The following CAMKK2 variants were observed in gnomAD, a reference collection of about 807,000 sequenced individuals.
The protein encoded by CAMKK2 is calcium/calmodulin dependent protein kinase kinase 2.
In CAMKK2, 30 loss-of-function variants were observed where a neutral mutation model predicts 67.2. The ratio of observed to expected loss-of-function variants is 0.45; its 90% CI spans 0.33 to 0.61. The LOEUF is 0.61. Ranked by LOEUF, CAMKK2 falls within the 20% of genes least tolerant of loss-of-function variation. The pLI, the probability that CAMKK2 is intolerant of heterozygous loss-of-function variation, is 0.02. For missense variants in CAMKK2, 643 were observed against 802.0 expected (o/e 0.80, Z 2.39); for synonymous variants, 322 against 326.2 (o/e 0.99, Z 0.14).
At chr12:121,297,401 G>A (rs556112014), upstream of CAMKK2, 6 of 354,064 alleles carry the variant, frequency 1.7e-5, no homozygotes, top group East Asian at 3.7e-4. Flanking sequence ...CCTAAAGGCT[G>A]GGGGAAGGCG....
At position 121,253,299 on chromosome 12, in the gene CAMKK2, C is replaced by G. The variant is rs202103661; in HGVS notation, c.1081G>C (p.Glu361Gln). The G allele has an allele frequency of 5.6e-6, 9 of 1,614,088 alleles. No homozygotes were observed. Among genetic ancestry groups the G allele is most frequent in the Non-Finnish European group, 7.6e-6 (9 of 1,180,040 alleles). ...PAFMAPESLS[E>Q]TRKIFSGKAL... is the part of the protein sequence containing the mutation. ...TTCCCAGAGAAGATCTTGCGGGTCT[C>G]AGAGAGCGACTCGGGTGCCATGAAG... Residue 361 changes from glutamate to glutamine, a missense_variant, in exon 10 of 17, where the codon GAG becomes CAG. Physicochemically the swap from Glu to Gln is conservative, Grantham distance 29. Coordinates refer to ENST00000404169, the MANE Select transcript of CAMKK2 (RefSeq NM_001270485.2). This position sits in a 1 kb window ranked among gnomAD's most constrained non-coding sequence, Gnocchi z 5.0.
intron 9 of CAMKK2, among the ~76,000 whole-genome samples, chr12:121,254,749 T>G (rs986727820): frequency 2.6e-5 from 4 of 152,228 alleles, no homozygotes; most frequent in Non-Finnish European, 5.9e-5. Context: ...AGAAGGGTTT[T>G]GGCTCGCCTG....
At position 121,255,589 on chromosome 12, in the gene CAMKK2, G is replaced by A. The variant is rs754983449; in HGVS notation, c.868C>T (p.Arg290Cys). ...TTGATCAGATCCTGGAAGTAGAAAC[G>A]GGCCTGGTCTTCAGAGAGTGGTTTG... ...TLKPLSEDQA[R>C]FYFQDLIKGI... is the part of the protein sequence containing the mutation. The change falls in exon 9 of 17, where the codon CGT (arginine) becomes TGT (cysteine). Residue 290 changes from arginine (R) to cysteine (C), a missense_variant. Coordinates refer to ENST00000404169, the MANE Select transcript of CAMKK2 (RefSeq NM_001270485.2). The A allele has an allele frequency of 4.3e-5, 69 of 1,612,262 alleles. No individual in the cohort carries two copies. The highest frequency in any genetic ancestry group is 1.1e-4 in the South Asian group (10 of 90,830).
intron 6 of CAMKK2, among the ~76,000 whole-genome samples, chr12:121,261,901 C>T (rs528636815): frequency 3.7e-4 from 57 of 152,330 alleles, no homozygotes; most frequent in Non-Finnish European, 7.6e-4. Context: ...ACATCCAGCA[C>T]GGTGACAAGT....
chr12:121,272,121 A>G (rs11833105), intron 2 of CAMKK2, among the ~76,000 whole-genome samples: 7,436 of 152,336 alleles, frequency 0.049, 575 homozygotes, highest in African/African-American at 0.17. Context: ...GATTACAGGC[A>G]TAAGCCATTG....
At chr12:121,243,705 T>G in intron 16 of CAMKK2, 1 of 279,156 alleles carries the variant, frequency 3.6e-6, no homozygotes, top group Non-Finnish European at 6.1e-6. Context: ...GGTGTCTTCT[T>G]GGGCTGATGA....
chr12:121,242,351 AAAAGAAAGAAAGAAAG>A lies in CAMKK2; in HGVS notation c.1597-1498_1597-1483del, dbSNP rs368398056. Among the ~76,000 whole-genome samples the A allele has an allele frequency of 6.9e-3, 1,045 of 151,534 alleles. 10 individuals are homozygous for A. Among genetic ancestry groups the A allele is most frequent in the African/African-American group, 0.024 (986 of 41,250 alleles). On this transcript the variant is annotated intron_variant, in intron 16 of 16. Transcript: ENST00000404169. ...GTGCAAGACCCTGTCTCAAAAAAAA[AAAAGAAAGAAAGAAAG>A]AAAGAAAGAAAATAGGAAAGAAACC... is the stretch of plus-strand genomic sequence containing the variant.
Position 121,253,338 on chromosome 12 carries a change from C to G in CAMKK2, c.1042G>C (p.Val348Leu). ...KGSDALLSNT[V>L]GTPAFMAPES... is the part of the protein sequence containing the mutation. The stretch of plus-strand genomic sequence containing the variant: ...GGTGCCATGAAGGCGGGCGTGCCCA[C>G]GGTGTTGGAGAGGAGCGCGTCACTG... Residue 348 changes from valine to leucine, a missense_variant, in exon 10 of 17, where the codon GTG (valine) becomes CTG (leucine). Transcript: ENST00000404169. This position sits in a 1 kb window ranked among gnomAD's most constrained non-coding sequence, Gnocchi z 5.0. 2 of 1,614,190 alleles carry G rather than the reference C, an allele frequency of 1.2e-6. No homozygotes were observed. The highest frequency in any genetic ancestry group is 1.7e-6 in the Non-Finnish European group (2 of 1,180,028).
At chr12:121,261,378 T>C (rs1893417202) in intron 6 of CAMKK2, among the ~76,000 whole-genome samples, 1 of 151,986 alleles carries the variant, frequency 6.6e-6, no homozygotes. Flanking sequence ...CACCAGTGAG[T>C]CGAGATTGTG....
At chr12:121,276,070 G>C (rs1326484182) in intron 1 of CAMKK2, among the ~76,000 whole-genome samples, 2 of 150,240 alleles carry the variant, frequency 1.3e-5, no homozygotes, top group Non-Finnish European at 2.9e-5. Flanking sequence ...TGAGGCAGGA[G>C]AATCACTTGA....
chr12:121,285,743 T>C lies in CAMKK2; in HGVS notation c.-60+10895A>G, dbSNP rs1292730734. ...GGGAGGATCGCTTGAGCTGGGGAGG[T>C]TGATGCAGCAGTGAGCCGTGATCAT... On this transcript the variant is annotated intron_variant, in intron 1 of 16. Transcript: ENST00000404169. The surrounding 1 kb of genome is among the most constrained non-coding windows in gnomAD (Gnocchi z 4.1). 6.6e-6 allele frequency among the ~76,000 whole-genome samples: 1 copy of C among 151,412 alleles called. No homozygotes were observed. The highest frequency in any genetic ancestry group is 2.4e-5 in the African/African-American group (1 of 41,128).
rs1887953385 is a variant in CAMKK2, at chr12:121,239,102, C to T, written c.*1597G>A. 6.6e-6 allele frequency: 1 copy of T among 152,340 alleles called. No homozygotes were observed. 9.4% of individuals were successfully genotyped at this position (152,340 alleles called of 1,614,324 possible). ...AGGATCTATGGAAGCCAAGAAGGCC[C>T]AGGGCTCCATGAATGGGCTGGGCAG... On this transcript the variant is annotated 3_prime_UTR_variant, in exon 17 of 17. Coordinates refer to ENST00000404169, the MANE Select transcript of CAMKK2 (RefSeq NM_001270485.2).
intron 2 of CAMKK2, among the ~76,000 whole-genome samples, chr12:121,273,011 G>C (rs1896066588): frequency 6.6e-6 from 1 of 152,202 alleles, no homozygotes; most frequent in South Asian, 2.1e-4. Flanking sequence ...TCTGGGGATG[G>C]GATAGGGTGT....
At chr12:121,289,187 C>G (rs1158249695) in intron 1 of CAMKK2, among the ~76,000 whole-genome samples, 1 of 151,870 alleles carries the variant, frequency 6.6e-6, no homozygotes, top group Non-Finnish European at 1.5e-5. Context: ...TTCCAAAAAG[C>G]GAGCCAGTTT....
chr12:121,240,482 C>CCAG lies in CAMKK2; in HGVS notation c.*214_*216dup. 2 of 1,535,634 alleles carry CCAG rather than the reference C, an allele frequency of 1.3e-6. No homozygotes were observed. Among genetic ancestry groups the CCAG allele is most frequent in the Non-Finnish European group, 1.7e-6 (2 of 1,146,880 alleles). ...TCTGCAACTCCTCACACCCGCCTGT[C>CCAG]CAGCCAGCCAGCGGCCACGGTCGAC... On this transcript the variant is annotated 3_prime_UTR_variant, in exon 17 of 17. Coordinates refer to ENST00000404169, the MANE Select transcript of CAMKK2 (RefSeq NM_001270485.2). The surrounding 1 kb of genome is among the most constrained non-coding windows in gnomAD (Gnocchi z 4.4).
At chr12:121,287,693 A>G (rs1194202304) in intron 1 of CAMKK2, among the ~76,000 whole-genome samples, 5 of 152,210 alleles carry the variant, frequency 3.3e-5, no homozygotes, top group Admixed American at 6.5e-5. Flanking sequence ...TGGGCCAGGT[A>G]CAGTGGTGGC....
At position 121,245,282 on chromosome 12, in the gene CAMKK2, C is replaced by T; in HGVS notation, c.1453-42G>A. The T allele has an allele frequency of 7.7e-7, 1 of 1,306,626 alleles. No homozygotes were observed. Among genetic ancestry groups the T allele is most frequent in the Admixed American group, 1.9e-5 (1 of 52,256 alleles). The allele number at this position is 1,306,626 out of a possible 1,614,324, so 80.9% of individuals were successfully genotyped here. On this transcript the variant is annotated intron_variant, in intron 14 of 16. Coordinates refer to ENST00000404169, the MANE Select transcript of CAMKK2 (RefSeq NM_001270485.2). The surrounding 1 kb of genome is among the most constrained non-coding windows in gnomAD (Gnocchi z 5.8). ...GAGGAGGTGGCAGGCAACTGCTTGGCCATGTGGGGGCGATTCTGGGCAACA... is the reference window on the plus strand; with the variant it reads ...GAGGAGGTGGCAGGCAACTGCTTGGTCATGTGGGGGCGATTCTGGGCAACA...
chr12:121,261,499 C>T (rs1045816159), intron 6 of CAMKK2, among the ~76,000 whole-genome samples: 19 of 152,178 alleles, frequency 1.2e-4, no homozygotes, highest in African/African-American at 3.1e-4. Context: ...TCCCTCATCA[C>T]GTCCGCTTTC....
At chr12:121,251,506 T>C (rs920840817) in intron 11 of CAMKK2, among the ~76,000 whole-genome samples, 1 of 152,228 alleles carries the variant, frequency 6.6e-6, no homozygotes. Context: ...ATTGCTCACA[T>C]AATCAAACTG....
Sources: allele counts gnomAD v4.1 joint callset (sites outside exome capture counted in the v4.1 genomes callset), GRCh38; gene constraint gnomAD v4.1.1; non-coding constraint Gnocchi (gnomAD v3.1); transcripts MANE v1.5; gene names NCBI Gene and HGNC (gene_info 2026-07-23, HGNC 2026-07-21).